The following SCN2A variants were observed in gnomAD, a reference collection of about 807,000 sequenced individuals.
SCN2A encodes the protein sodium channel protein type 2 subunit alpha.
SCN2A carries 20 observed loss-of-function variants against 188.7 expected under a neutral mutation model. That is an observed-to-expected ratio of 0.11 (90% CI 0.07 to 0.15). The LOEUF is 0.15. SCN2A is among the 10% of genes least tolerant of loss of function. SCN2A has a pLI of 1.00. For synonymous variants in SCN2A, 804 were observed against 833.1 expected (o/e 0.97, Z 0.60); for missense variants, 1,278 against 2,445.0 (o/e 0.52, Z 10.07).
chr2:165,330,557 A>G (rs1400511837), intron 13 of SCN2A, among the ~76,000 whole-genome samples: 1 of 152,096 alleles, frequency 6.6e-6, no homozygotes, highest in African/African-American at 2.4e-5. Context: ...ATTTTATGTC[A>G]TGTTTGATAT....
At chr2:165,279,140 C>T (rs990838092) in intron 1 of SCN2A, among the ~76,000 whole-genome samples, 2 of 152,036 alleles carry the variant, frequency 1.3e-5, no homozygotes, top group African/African-American at 4.8e-5. Flanking sequence ...GATTTCAATC[C>T]CAATAATTTG....
chr2:165,318,245 A>G (rs1457341052), intron 11 of SCN2A, among the ~76,000 whole-genome samples: 1 of 152,196 alleles, frequency 6.6e-6, no homozygotes, highest in Non-Finnish European at 1.5e-5. Context: ...AAGTGGAAAT[A>G]TGAATTGTTT....
intron 1 of SCN2A, among the ~76,000 whole-genome samples, chr2:165,265,672 A>G (rs1039026131): frequency 2.7e-5 from 4 of 150,452 alleles, no homozygotes; most frequent in African/African-American, 4.9e-5. Context: ...ATGAAAATCC[A>G]TTCATTTTTT....
intron 1 of SCN2A, chr2:165,269,794 A>G (rs1695026267): frequency 2.0e-5 from 3 of 151,838 alleles, no homozygotes; most frequent in African/African-American, 7.3e-5. Flanking sequence ...TTACTTAAAT[A>G]TATGTTTATT....
rs1366861322 is a variant in SCN2A, at chr2:165,381,184, T to C, written c.4538T>C (p.Ile1513Thr). 9 of 1,577,266 alleles carry C rather than the reference T, an allele frequency of 5.7e-6. No individual in the cohort carries two copies. The highest frequency in any genetic ancestry group is 7.8e-6 in the Non-Finnish European group (9 of 1,157,740). ...GGTTCAAAGAAACCACAAAAACCCATACCTCGACCTGCTGTAAGAATAACA... is the reference window on the plus strand; with the variant it reads ...GGTTCAAAGAAACCACAAAAACCCACACCTCGACCTGCTGTAAGAATAACA... ...KLGSKKPQKP[I>T]PRPANKFQGM... The change falls in exon 25 of 27, where the codon ATA becomes ACA. Residue 1513 changes from isoleucine to threonine, a missense_variant. By Grantham distance (89) the Ile-to-Thr change is moderately conservative (BLOSUM62 -1). Around this residue, in one of 17 missense-constraint regions of SCN2A, gnomAD observed 97 missense variants for 266.1 expected, o/e 0.36. Transcript: ENST00000375437.
At chr2:165,291,958 TC>T (rs1367416491) in intron 1 of SCN2A, among the ~76,000 whole-genome samples, 3 of 151,842 alleles carry the variant, frequency 2.0e-5, no homozygotes, top group Admixed American at 2.0e-4. Flanking sequence ...TTTTTCGGAG[TC>T]TTTCTTCCCA....
In SCN2A at chr2:165,365,244, T is replaced by C; in HGVS notation, c.3501T>C (p.Pro1167=). The C allele has an allele frequency of 1.2e-6, 2 of 1,613,964 alleles. No individual in the cohort carries two copies. Among genetic ancestry groups the C allele is most frequent in the Non-Finnish European group, 1.7e-6 (2 of 1,179,900 alleles). The change falls in exon 18 of 27, where the codon CCT becomes CCC. Residue 1167 remains proline, a synonymous_variant. Coordinates refer to ENST00000375437, the MANE Select transcript of SCN2A (RefSeq NM_001040142.2). The stretch of plus-strand genomic sequence containing the variant: ...TTGAACCTGAGGAATCCCTTGAACC[T>C]GAAGCCTGTTTTACAGAAGGTAAGC... The part of the protein sequence containing the change: ...PEVEPEESLE[P]EACFTEDCVR...
chr2:165,313,447 G>T (rs948473237), intron 8 of SCN2A, among the ~76,000 whole-genome samples, 173 bp from the exon 9 acceptor site: 6 of 152,146 alleles, frequency 3.9e-5, no homozygotes, highest in Non-Finnish European at 8.8e-5. Flanking sequence ...TATAGATTCT[G>T]TTATTATATA....
intron 1 of SCN2A, among the ~76,000 whole-genome samples, chr2:165,255,269 A>G (rs1694264664): frequency 6.6e-6 from 1 of 151,262 alleles, no homozygotes; most frequent in East Asian, 1.9e-4. Context: ...AGCTTTTTGG[A>G]ATGCATGTAT....
At chr2:165,325,620 T>A (rs537785608) in intron 12 of SCN2A, among the ~76,000 whole-genome samples, 1 of 152,220 alleles carries the variant, frequency 6.6e-6, no homozygotes, top group South Asian at 2.1e-4. Flanking sequence ...ATGATCTTCA[T>A]GTGACTATTT....
intron 16 of SCN2A, among the ~76,000 whole-genome samples, chr2:165,348,795 T>C (rs1277317604): frequency 6.6e-6 from 1 of 152,226 alleles, no homozygotes; most frequent in Non-Finnish European, 1.5e-5. Flanking sequence ...CAGTTCCTTT[T>C]TGGCAGTTAG....
chr2:165,245,322 T>C (rs902572922), intron 1 of SCN2A: 1 of 152,100 alleles, frequency 6.6e-6, no homozygotes, highest in African/African-American at 2.4e-5. Flanking sequence ...GATCTGATGG[T>C]TTTATAGGGG....
At chr2:165,293,433 C>T (rs1696322563) in intron 1 of SCN2A, among the ~76,000 whole-genome samples, 1 of 152,112 alleles carries the variant, frequency 6.6e-6, no homozygotes, top group South Asian at 2.1e-4. Context: ...AACTAGGTTA[C>T]ATGGTATAGC....
chr2:165,247,151 C>T (rs890307359), intron 1 of SCN2A, among the ~76,000 whole-genome samples: 1 of 152,168 alleles, frequency 6.6e-6, no homozygotes, highest in African/African-American at 2.4e-5. Flanking sequence ...TTCTTACTTA[C>T]ACAAGGGCAT....
rs767542641 is a variant in SCN2A at position 165,308,643 on chromosome 2, T to C, written c.477-23T>C. 1.9e-6 allele frequency: 3 copies of C among 1,608,378 alleles called. No individual in the cohort carries two copies. In the African/African-American group the frequency reaches 4.0e-5, roughly 22 times the overall value. On this transcript the variant is annotated intron_variant, in intron 4 of 26. Transcript: ENST00000375437. ...TAAATTAACCACTAGATTTTTAATG[T>C]GAGCTTGGCTATTTTCTCTCAGGTA...
Position 165,327,002 on chromosome 2 carries a change from C to A in SCN2A, c.2149+18C>A. Reference sequence around the variant, plus strand: ...CATGGAAGGTATGTTAAAAGTCCTGCGTCACAGTTACTTGGTGCTTTGGTA... The same window carrying A: ...CATGGAAGGTATGTTAAAAGTCCTGAGTCACAGTTACTTGGTGCTTTGGTA... On this transcript the variant is annotated intron_variant, in intron 13 of 26. Coordinates refer to ENST00000375437, the MANE Select transcript of SCN2A (RefSeq NM_001040142.2). 22 of 1,613,444 alleles carry A rather than the reference C, an allele frequency of 1.4e-5. No homozygotes were observed. Among genetic ancestry groups the A allele is most frequent in the Non-Finnish European group, 1.8e-5 (21 of 1,179,584 alleles).
intron 19 of SCN2A, among the ~76,000 whole-genome samples, chr2:165,367,862 G>A (rs1463736176): frequency 1.3e-5 from 2 of 152,160 alleles, no homozygotes; most frequent in African/African-American, 2.4e-5. Context: ...CTGCAAGAGT[G>A]AACTCCATAC....
chr2:165,300,071 G>A (rs1225292194), intron 3 of SCN2A, among the ~76,000 whole-genome samples: 1 of 152,056 alleles, frequency 6.6e-6, no homozygotes, highest in East Asian at 1.9e-4. Context: ...CTTTTGATGT[G>A]CCTAGTGTCT....
intron 1 of SCN2A, among the ~76,000 whole-genome samples, chr2:165,252,942 T>A (rs1405280751): frequency 6.6e-6 from 1 of 152,082 alleles, no homozygotes; most frequent in East Asian, 1.9e-4. Flanking sequence ...CAAAATTTGG[T>A]TAATAGGCAT....
Sources: allele counts gnomAD v4.1 joint callset (sites outside exome capture counted in the v4.1 genomes callset), GRCh38; gene constraint gnomAD v4.1.1; regional missense constraint gnomAD v4.1.1; transcripts MANE v1.5; gene names NCBI Gene and HGNC (gene_info 2026-07-23, HGNC 2026-07-21).